WDTC1: variants seen among roughly 807,000 people sequenced by gnomAD.
WDTC1 encodes the protein WD and tetratricopeptide repeats 1.
A neutral mutation model predicts 76.0 loss-of-function variants in WDTC1; 12 were observed. The observed-to-expected ratio is 0.16, with a 90% CI of 0.10 to 0.26. WDTC1 has a LOEUF of 0.26. Ranked by LOEUF, WDTC1 falls within the 10% of genes least tolerant of loss-of-function variation. WDTC1 has a pLI of 1.00. For missense variants in WDTC1, 511 were observed against 908.8 expected (o/e 0.56, Z 5.63); for synonymous variants, 326 against 350.8 (o/e 0.93, Z 0.79).
intron 1 of WDTC1, 76 bp downstream of exon 1, chr1:27,235,027 C>G: frequency 2.7e-6 from 1 of 364,388 alleles, no homozygotes. Context: ...GGTGAACGGG[C>G]CGCCCGCTCT....
At chr1:27,243,002 G>A (rs931310915) in intron 1 of WDTC1, among the ~76,000 whole-genome samples, 4 of 152,106 alleles carry the variant, frequency 2.6e-5, no homozygotes, top group Non-Finnish European at 5.9e-5. Context: ...TCCTACCAGC[G>A]AAAGCTTTCC....
chr1:27,255,864 C>T (rs999080559), intron 1 of WDTC1, among the ~76,000 whole-genome samples: 35 of 152,204 alleles, frequency 2.3e-4, no homozygotes, highest in African/African-American at 7.7e-4. Context: ...CCACCACACC[C>T]GGCCAAAACT....
intron 8 of WDTC1, 102 bp from the exon 9 acceptor site, chr1:27,294,412 C>A: frequency 1.9e-6 from 2 of 1,071,710 alleles, no homozygotes; most frequent in Admixed American, 4.0e-5. Flanking sequence ...TGCTTTTATG[C>A]TAAAGTTGAT....
rs773605696 is a variant in WDTC1 at position 27,303,810 on chromosome 1, A to AGAG, written c.1643+20_1643+22dup. The stretch of plus-strand genomic sequence containing the variant: ...TTCTTTGGCAGGTCCGAGGCCCTGA[A>AGAG]GAGGAGGGTGCAGCCCAGTTGGCAG... On this transcript the variant is annotated intron_variant, in intron 14 of 15. Transcript: ENST00000319394. This position sits in a 1 kb window ranked among gnomAD's most constrained non-coding sequence, Gnocchi z 4.8. 64 of 1,613,740 alleles carry AGAG rather than the reference A, an allele frequency of 4.0e-5. No individual in the cohort carries two copies. The highest frequency in any genetic ancestry group is 5.1e-5 in the Non-Finnish European group (60 of 1,179,882).
At chr1:27,287,921 T>A (rs952309910) in intron 6 of WDTC1, 60 bp downstream of exon 6, 1 of 1,548,740 alleles carries the variant, frequency 6.5e-7, no homozygotes, top group Admixed American at 1.9e-5. Context: ...TCCTATAGTG[T>A]TTCCTTCTAC....
At chr1:27,258,694 C>T (rs2012372196) in intron 1 of WDTC1, among the ~76,000 whole-genome samples, 1 of 152,100 alleles carries the variant, frequency 6.6e-6, no homozygotes, top group Non-Finnish European at 1.5e-5. Context: ...CTACTGCATG[C>T]CTAGCACTAA....
In WDTC1 at chr1:27,283,427, C is replaced by T. The variant is rs1462883453; in HGVS notation, c.269C>T (p.Thr90Ile). ...CTGCTCTCCATGCACACGGGACACA[C>T]CGCAAATATCTTCTCTGTCAAGGTG... ...KKLLSMHTGH[T>I]ANIFSVKFLP... Residue 90 changes from threonine (T) to isoleucine (I), a missense_variant, in exon 5 of 16, where the codon ACC (threonine) becomes ATC (isoleucine). Coordinates refer to ENST00000319394, the MANE Select transcript of WDTC1 (RefSeq NM_001276252.2). The T allele has an allele frequency of 1.2e-6, 2 of 1,613,018 alleles. No individual in the cohort carries two copies. The highest frequency in any genetic ancestry group is 2.7e-5 in the African/African-American group (2 of 75,032).
At chr1:27,287,614 C>T in intron 5 of WDTC1, 60 bp from the exon 6 acceptor site, 6 of 1,538,472 alleles carry the variant, frequency 3.9e-6, no homozygotes, top group Non-Finnish European at 4.4e-6. Context: ...CCAGGCTAGC[C>T]TCCTTCCGTG....
chr1:27,286,172 AT>A, intron 5 of WDTC1, among the ~76,000 whole-genome samples: 1 of 150,642 alleles, frequency 6.6e-6, no homozygotes, highest in Non-Finnish European at 1.5e-5. Context: ...CATCCGGCTA[AT>A]TTTTTTTGTA....
At chr1:27,280,956 C>A (rs1290429547) in intron 3 of WDTC1, among the ~76,000 whole-genome samples, 2 of 151,848 alleles carry the variant, frequency 1.3e-5, no homozygotes, top group African/African-American at 2.4e-5. Context: ...TTTTCTTTTT[C>A]TTATTTTTAT....
chr1:27,243,987 A>G (rs1398680982), intron 1 of WDTC1, among the ~76,000 whole-genome samples: 1 of 147,882 alleles, frequency 6.8e-6, no homozygotes, highest in East Asian at 2.0e-4. Flanking sequence ...AAAATGCAAA[A>G]ATTAGCCAGG....
chr1:27,293,797 T>C (rs1442714002), intron 7 of WDTC1, among the ~76,000 whole-genome samples: 1 of 152,182 alleles, frequency 6.6e-6, no homozygotes, highest in African/African-American at 2.4e-5. Context: ...AAAAATAAGA[T>C]GGTCATGAAG....
At chr1:27,291,628 G>A (rs999731458) in intron 6 of WDTC1, among the ~76,000 whole-genome samples, 3 of 152,188 alleles carry the variant, frequency 2.0e-5, no homozygotes, top group African/African-American at 7.2e-5. Context: ...TTACTGCGTG[G>A]ATGAGACTTT....
intron 1 of WDTC1, among the ~76,000 whole-genome samples, chr1:27,235,395 TG>T (rs2011474147): frequency 3.5e-4 from 1 of 2,890 alleles, no homozygotes; most frequent in Non-Finnish European, 5.5e-4. Flanking sequence ...TCTCTCTTTC[TG>T]TGTGTGTGTG....
chr1:27,258,225 C>T (rs1459232428), intron 1 of WDTC1, among the ~76,000 whole-genome samples: 1 of 151,444 alleles, frequency 6.6e-6, no homozygotes, highest in Non-Finnish European at 1.5e-5. Context: ...TAATGAGGCC[C>T]CATCTCAATT....
chr1:27,267,031 C>T (rs1231733824), intron 3 of WDTC1, among the ~76,000 whole-genome samples: 1 of 152,188 alleles, frequency 6.6e-6, no homozygotes, highest in African/African-American at 2.4e-5. Flanking sequence ...AGGTAGCTTT[C>T]ATAACCTTAT....
intron 3 of WDTC1, among the ~76,000 whole-genome samples, chr1:27,277,986 A>G (rs1335796329): frequency 2.0e-5 from 3 of 152,020 alleles, no homozygotes; most frequent in African/African-American, 7.2e-5. Flanking sequence ...GATTACAGGC[A>G]TGCATGATGA....
chr1:27,288,358 A>AT (rs1333464549), intron 6 of WDTC1, among the ~76,000 whole-genome samples: 2,242 of 146,132 alleles, frequency 0.015, 54 homozygotes, highest in African/African-American at 0.051. Context: ...TTATTTATTT[A>AT]TTTTTTTTTT....
intron 1 of WDTC1, among the ~76,000 whole-genome samples, chr1:27,252,436 A>G (rs1239551368): frequency 6.6e-6 from 1 of 152,166 alleles, no homozygotes; most frequent in Non-Finnish European, 1.5e-5. Context: ...CAGACAAATG[A>G]GCCATTAATG....
Sources: allele counts gnomAD v4.1 joint callset (sites outside exome capture counted in the v4.1 genomes callset), GRCh38; gene constraint gnomAD v4.1.1; non-coding constraint Gnocchi (gnomAD v3.1); transcripts MANE v1.5; gene names NCBI Gene and HGNC (gene_info 2026-07-23, HGNC 2026-07-21).